Variants in NRXN1 observed in about 807,000 individuals in gnomAD.
The protein encoded by NRXN1 is neurexin-1.
Under a neutral mutation model 150.9 loss-of-function variants are expected in NRXN1, and 39 were observed. The observed-to-expected ratio is 0.26, with a 90% CI of 0.20 to 0.34. The LOEUF (loss-of-function observed/expected upper bound fraction) is 0.34. NRXN1 is among the 10% of genes least tolerant of loss of function. The probability of loss-of-function intolerance (pLI) is 1.00; values close to 1 mark genes in which losing one functional copy is unlikely to be tolerated. For synonymous variants in NRXN1, 924 were observed against 757.0 expected (o/e 1.22, Z -3.62); for missense variants, 1,815 against 1,949.9 (o/e 0.93, Z 1.30).
intron 5 of NRXN1, among the ~76,000 whole-genome samples, chr2:50,747,040 G>A (rs758496544): frequency 6.6e-6 from 1 of 152,108 alleles, no homozygotes; most frequent in Non-Finnish European, 1.5e-5. Context: ...ATGCAAAAAT[G>A]AACCCAGTTC....
chr2:50,139,606 C>CAAAAG (rs1706968182), intron 18 of NRXN1, among the ~76,000 whole-genome samples: 1 of 151,804 alleles, frequency 6.6e-6, no homozygotes, highest in South Asian at 2.1e-4. Context: ...GAGGAAAAAA[C>CAAAAG]AAAACAAAAC....
At chr2:50,995,939 G>C (rs1476371288) in intron 2 of NRXN1, among the ~76,000 whole-genome samples, 4 of 152,022 alleles carry the variant, frequency 2.6e-5, no homozygotes, top group East Asian at 1.9e-4. Context: ...TTTGTAAAAA[G>C]TTCAGATGAT....
Position 50,069,846 on chromosome 2 carries a change from G to GTTTTTT in NRXN1, c.3719-14803_3719-14802insAAAAAA, listed in dbSNP as rs1467398706. On this transcript the variant is annotated intron_variant, in intron 19 of 22. Coordinates refer to ENST00000401669, the MANE Select transcript of NRXN1 (RefSeq NM_001330078.2). ...AGGTTAGATTTCAGGAGATTTTGGG[G>GTTTTTT]GTTTTTTTTTTTTTTTTTTTTTGAG... Among the ~76,000 whole-genome samples, 314 of 66,080 alleles carry GTTTTTT rather than the reference G, an allele frequency of 4.8e-3. 2 individuals are homozygous for GTTTTTT. Among genetic ancestry groups the GTTTTTT allele is most frequent in the South Asian group, 7.0e-3 (18 of 2,560 alleles). The allele number at this position is 66,080 out of a possible 152,430, so 43.4% of individuals were successfully genotyped here. A position where few individuals can be genotyped will look rare whatever the true frequency, so the allele number is the denominator to read the frequency against.
At chr2:50,609,786 C>A (rs1397155989) in intron 8 of NRXN1, among the ~76,000 whole-genome samples, 3 of 152,112 alleles carry the variant, frequency 2.0e-5, no homozygotes, top group African/African-American at 7.2e-5. Context: ...CTTACTATGA[C>A]CTTGATTAAA....
chr2:50,361,680 G>C (rs1323107416), intron 17 of NRXN1, among the ~76,000 whole-genome samples: 1 of 152,134 alleles, frequency 6.6e-6, no homozygotes, highest in African/African-American at 2.4e-5. Context: ...ACAAAGAGGA[G>C]CTGGTACCAT....
intron 15 of NRXN1, among the ~76,000 whole-genome samples, chr2:50,494,504 T>C (rs920168805): frequency 1.3e-5 from 2 of 152,162 alleles, no homozygotes; most frequent in African/African-American, 4.8e-5. Context: ...AAGAAGCAGT[T>C]CTTTGAATTT....
chr2:50,683,646 A>AAAAAAAAATATATATAT lies in NRXN1; in HGVS notation c.833-60032_833-60031insATATATATATTTTTTTT. ...GACTCCGTCTCAAAAAAAAAAAAAA[A>AAAAAAAAATATATATAT]ATATATATATATATATATATGTTAT... On this transcript the variant is annotated intron_variant, in intron 5 of 22. Transcript: ENST00000401669. Among the ~76,000 whole-genome samples, 9 of 14,902 alleles carry AAAAAAAAATATATATAT rather than the reference A, an allele frequency of 6.0e-4. 2 individuals are homozygous for AAAAAAAAATATATATAT. The highest frequency in any genetic ancestry group is 1.1e-3 in the African/African-American group (3 of 2,778). The allele number at this position is 14,902 out of a possible 152,430, so 9.8% of individuals were successfully genotyped here.
chr2:50,213,170 G>A (rs2063153891), intron 18 of NRXN1, among the ~76,000 whole-genome samples: 2 of 151,874 alleles, frequency 1.3e-5, no homozygotes, highest in South Asian at 2.1e-4. Flanking sequence ...TCAAGTGAAC[G>A]AGGTGAGATA....
chr2:50,107,601 A>T (rs1558893702), intron 18 of NRXN1, among the ~76,000 whole-genome samples: 1 of 137,822 alleles, frequency 7.3e-6, no homozygotes, highest in Non-Finnish European at 1.6e-5. Flanking sequence ...TGTAAGAAAA[A>T]AAAACTACCC....
chr2:50,142,088 G>C (rs1707353214), intron 18 of NRXN1, among the ~76,000 whole-genome samples: 1 of 151,892 alleles, frequency 6.6e-6, no homozygotes. Context: ...ATAAAGAAGT[G>C]GTGGTATATG....
intron 18 of NRXN1, 139 bp from the exon 19 acceptor site, chr2:50,091,633 T>C (rs1356188042): frequency 1.2e-6 from 1 of 834,162 alleles, no homozygotes; most frequent in Non-Finnish European, 2.0e-6. Context: ...AAAAACTACA[T>C]GTAGTAGAAG....
At chr2:50,786,402 T>G (rs1399023646) in intron 5 of NRXN1, among the ~76,000 whole-genome samples, 2 of 152,128 alleles carry the variant, frequency 1.3e-5, no homozygotes, top group African/African-American at 4.8e-5. Context: ...CTACCAGTTG[T>G]GAAGAAAAGA....
intron 17 of NRXN1, among the ~76,000 whole-genome samples, chr2:50,433,674 A>G (rs2104391297): frequency 6.6e-6 from 1 of 151,284 alleles, no homozygotes; most frequent in Non-Finnish European, 1.5e-5. Flanking sequence ...TAAAAGAGAG[A>G]AAGGAAAGAA....
intron 21 of NRXN1, chr2:49,974,185 C>T (rs927527184): frequency 1.4e-6 from 1 of 706,718 alleles, no homozygotes; most frequent in Admixed American, 2.0e-5. Flanking sequence ...CACAGATGGG[C>T]GAGAAAAGAC....
rs575521812 is a variant in NRXN1, at chr2:50,566,281, G to A, written c.1321-13256C>T. On this transcript the variant is annotated intron_variant, in intron 8 of 22. Coordinates refer to ENST00000401669, the MANE Select transcript of NRXN1 (RefSeq NM_001330078.2). Reference sequence around the variant, plus strand: ...TTTAATTGAGATGGAGTCTCACTCTGCACCCAGGCTGGAGTACAGTGGCAT... The same window carrying A: ...TTTAATTGAGATGGAGTCTCACTCTACACCCAGGCTGGAGTACAGTGGCAT... Among the ~76,000 whole-genome samples, 3 of 152,034 alleles carry A rather than the reference G, an allele frequency of 2.0e-5. No homozygotes were observed. In the East Asian group the frequency reaches 5.8e-4, roughly 30 times the overall value.
At chr2:50,862,589 C>T (rs550856323) in intron 5 of NRXN1, among the ~76,000 whole-genome samples, 5 of 152,188 alleles carry the variant, frequency 3.3e-5, no homozygotes, top group African/African-American at 1.2e-4. Flanking sequence ...CATTGCAACG[C>T]TGGGCAAGAT....
At chr2:50,862,641 A>T (rs1676312511) in intron 5 of NRXN1, among the ~76,000 whole-genome samples, 1 of 152,122 alleles carries the variant, frequency 6.6e-6, no homozygotes, top group African/African-American at 2.4e-5. Flanking sequence ...TCTGTAAAAA[A>T]GATAAATGAT....
At chr2:50,691,774 C>T (rs1270502476) in intron 5 of NRXN1, among the ~76,000 whole-genome samples, 2 of 152,082 alleles carry the variant, frequency 1.3e-5, no homozygotes, top group Non-Finnish European at 2.9e-5. Context: ...ATAACAACCC[C>T]GAGGGCTGAC....
At chr2:50,605,191 A>G (rs915888271) in intron 8 of NRXN1, among the ~76,000 whole-genome samples, 1 of 152,240 alleles carries the variant, frequency 6.6e-6, no homozygotes, top group African/African-American at 2.4e-5. Flanking sequence ...ATGCTTATTT[A>G]GCATCTAGAT....
Sources: gnomAD v4.1 joint callset for allele counts (sites outside exome capture counted in the v4.1 genomes callset) on GRCh38, gnomAD v4.1.1 for gene constraint, MANE v1.5 for transcripts, NCBI Gene and HGNC (gene_info 2026-07-23, HGNC 2026-07-21) for gene names.